NTRK2: variants seen among roughly 807,000 people sequenced by gnomAD.
The protein encoded by NTRK2 is neurotrophic receptor tyrosine kinase 2.
Under a neutral mutation model 94.5 loss-of-function variants are expected in NTRK2, and 13 were observed. That is an observed-to-expected ratio of 0.14 (90% CI 0.09 to 0.22). The LOEUF is 0.22. Ranked by LOEUF, NTRK2 falls within the 10% of genes least tolerant of loss-of-function variation. The probability of loss-of-function intolerance (pLI) is 1.00; values close to 1 mark genes in which losing one functional copy is unlikely to be tolerated. For synonymous variants in NTRK2, 372 were observed against 407.4 expected (o/e 0.91, Z 1.05); for missense variants, 639 against 1,071.2 (o/e 0.60, Z 5.63).
intron 17 of NTRK2, among the ~76,000 whole-genome samples, chr9:84,958,805 T>G (rs1824508258): frequency 6.6e-6 from 1 of 152,214 alleles, no homozygotes; most frequent in African/African-American, 2.4e-5. Flanking sequence ...TTTCGTTTCA[T>G]GAAAGTGAAT....
intron 17 of NTRK2, among the ~76,000 whole-genome samples, chr9:85,009,452 G>C (rs1831325533): frequency 6.6e-6 from 1 of 152,164 alleles, no homozygotes; most frequent in Non-Finnish European, 1.5e-5. Flanking sequence ...TTTCACCACT[G>C]TGCAGAGAAA....
intron 14 of NTRK2, among the ~76,000 whole-genome samples, chr9:84,931,852 G>A (rs1321103996): frequency 1.3e-5 from 2 of 152,034 alleles, no homozygotes; most frequent in Non-Finnish European, 1.5e-5. Context: ...TTTAAATAGG[G>A]CAGCTAATTA....
At chr9:84,814,610 A>G (rs1280638978) in intron 12 of NTRK2, 2 of 1,065,720 alleles carry the variant, frequency 1.9e-6, no homozygotes, top group Non-Finnish European at 2.3e-6. Flanking sequence ...CCTTTGCATG[A>G]TTTACACCTC....
At chr9:85,002,639 T>C (rs1830453763) in intron 17 of NTRK2, among the ~76,000 whole-genome samples, 1 of 152,192 alleles carries the variant, frequency 6.6e-6, no homozygotes, top group Non-Finnish European at 1.5e-5. Flanking sequence ...TTCTGAAAGG[T>C]TTACTAAATA....
chr9:84,797,879 T>C (rs2069802134), intron 12 of NTRK2, among the ~76,000 whole-genome samples: 1 of 117,676 alleles, frequency 8.5e-6, no homozygotes, highest in South Asian at 2.3e-4. Context: ...ATATATAATA[T>C]AGTAATAATT....
intron 12 of NTRK2, among the ~76,000 whole-genome samples, chr9:84,782,988 A>G (rs577722980): frequency 5.9e-5 from 9 of 152,302 alleles, no homozygotes; most frequent in African/African-American, 1.9e-4. Flanking sequence ...CTTCTCACAT[A>G]TGAGAGATCA....
intron 15 of NTRK2, among the ~76,000 whole-genome samples, chr9:84,944,031 G>A (rs2078503879): frequency 6.6e-6 from 1 of 152,092 alleles, no homozygotes. Flanking sequence ...TTTGCCCCAT[G>A]AATAGTGGAA....
chr9:84,744,668 A>T (rs1443802931), intron 10 of NTRK2, among the ~76,000 whole-genome samples: 1 of 152,208 alleles, frequency 6.6e-6, no homozygotes, highest in Non-Finnish European at 1.5e-5. Context: ...CTTGTTTTAA[A>T]TATGCCATCC....
intron 17 of NTRK2, among the ~76,000 whole-genome samples, chr9:85,013,028 C>T (rs1269693423): frequency 1.3e-5 from 2 of 152,174 alleles, no homozygotes; most frequent in Non-Finnish European, 2.9e-5. Flanking sequence ...ACAGCAGTTC[C>T]AGGAGTGGCA....
chr9:84,980,957 G>A (rs1827516172), intron 17 of NTRK2, among the ~76,000 whole-genome samples: 1 of 152,220 alleles, frequency 6.6e-6, no homozygotes, highest in Non-Finnish European at 1.5e-5. Flanking sequence ...TGACCTCATG[G>A]CAGGACAGGT....
rs1274338302 is a variant in NTRK2, at chr9:84,783,015, C to G, written c.1396+30930C>G. On this transcript the variant is annotated intron_variant, in intron 12 of 18. Transcript: ENST00000277120. Reference sequence around the variant, plus strand: ...GAGAGATCAAGAGAAACTACTGAAGCTTCCAGTAGATATTCCAGAACTTGT... The same window carrying G: ...GAGAGATCAAGAGAAACTACTGAAGGTTCCAGTAGATATTCCAGAACTTGT... 3.9e-5 allele frequency among the ~76,000 whole-genome samples: 6 copies of G among 152,098 alleles called. No homozygotes were observed. The East Asian group carries it at 1.2e-3, about 29-fold the overall frequency.
chr9:84,992,130 C>T (rs537534236), intron 17 of NTRK2, among the ~76,000 whole-genome samples: 5 of 152,206 alleles, frequency 3.3e-5, no homozygotes, highest in African/African-American at 4.8e-5. Context: ...GTTGTTCAAC[C>T]ACAGTTGAAA....
intron 14 of NTRK2, chr9:84,876,622 A>G: frequency 1.9e-6 from 2 of 1,058,644 alleles, no homozygotes; most frequent in Non-Finnish European, 2.3e-6. Context: ...ATAAACATCA[A>G]TATCTTTACC....
intron 12 of NTRK2, among the ~76,000 whole-genome samples, chr9:84,842,796 G>A (rs1050250027): frequency 2.0e-5 from 3 of 152,122 alleles, no homozygotes. Flanking sequence ...GAACATTTGG[G>A]AAAACTAGAC....
intron 11 of NTRK2, among the ~76,000 whole-genome samples, chr9:84,750,217 G>A (rs1020106083): frequency 2.0e-5 from 3 of 152,140 alleles, no homozygotes; most frequent in East Asian, 1.9e-4. Flanking sequence ...TTTCCCCCTC[G>A]TTGTGACAAC....
At chr9:84,771,278 G>A (rs2066519893) in intron 12 of NTRK2, among the ~76,000 whole-genome samples, 2 of 152,168 alleles carry the variant, frequency 1.3e-5, no homozygotes, top group South Asian at 2.1e-4. Context: ...AGGTGGTCAC[G>A]CTCGGTCCTG....
intron 14 of NTRK2, among the ~76,000 whole-genome samples, chr9:84,922,215 A>G (rs763254825): frequency 6.6e-6 from 1 of 152,232 alleles, no homozygotes; most frequent in Non-Finnish European, 1.5e-5. Context: ...AAAGCCCAGC[A>G]TATGACTGGG....
intron 17 of NTRK2, among the ~76,000 whole-genome samples, chr9:84,956,642 T>C (rs1457290910): frequency 6.6e-6 from 1 of 152,122 alleles, no homozygotes; most frequent in African/African-American, 2.4e-5. Context: ...CATAATAGGG[T>C]AGGGCTGGTG....
At chr9:85,000,793 G>T (rs1830252785) in intron 17 of NTRK2, among the ~76,000 whole-genome samples, 1 of 152,160 alleles carries the variant, frequency 6.6e-6, no homozygotes, top group Admixed American at 6.5e-5. Flanking sequence ...CATGACTACT[G>T]GGTCATATGG....
Sources: gnomAD v4.1 joint callset for allele counts (sites outside exome capture counted in the v4.1 genomes callset) on GRCh38, gnomAD v4.1.1 for gene constraint, MANE v1.5 for transcripts, NCBI Gene and HGNC (gene_info 2026-07-23, HGNC 2026-07-21) for gene names.